GRIP1: variants seen among roughly 807,000 people sequenced by gnomAD.
The protein encoded by GRIP1 is glutamate receptor-interacting protein 1.
A neutral mutation model predicts 129.9 loss-of-function variants in GRIP1; 45 were observed. That is an observed-to-expected ratio of 0.35 (90% confidence interval 0.27 to 0.44). The LOEUF is 0.44. Ranked by LOEUF, GRIP1 falls within the 20% of genes least tolerant of loss-of-function variation. GRIP1 has a pLI of 1.00. For synonymous variants in GRIP1, 530 were observed against 520.8 expected (o/e 1.02, Z -0.24); for missense variants, 1,196 against 1,396.8 (o/e 0.86, Z 2.29).
In GRIP1 at chr12:66,517,962, C is replaced by T; in HGVS notation, c.517G>A (p.Asp173Asn). The T allele has an allele frequency of 6.3e-7, 1 of 1,588,808 alleles. No individual in the cohort carries two copies. The highest frequency in any genetic ancestry group is 8.6e-7 in the Non-Finnish European group (1 of 1,157,186). The change falls in exon 6 of 25, where the codon GAT (aspartate) becomes AAT (asparagine). Residue 173 changes from aspartate (D) to asparagine (N), a missense_variant. By Grantham distance (23) the Asp-to-Asn change is conservative. Around this residue, in one of 5 missense-constraint regions of GRIP1, gnomAD observed 217 missense variants for 224.8 expected, o/e 0.97. Coordinates refer to ENST00000359742, the MANE Select transcript of GRIP1 (RefSeq NM_001366722.1). ...ACAACTGGACGAGATTTATTTCTAT[C>T]ATCATGTGCTCCCCCTAGCAAAGAA... Reference protein sequence around the residue: ...GFVIRGGAHDDRNKSRPVVIT... With the variant: ...GFVIRGGAHDNRNKSRPVVIT...
At chr12:66,839,549 C>T (rs1035297007) in intron 1 of GRIP1, among the ~76,000 whole-genome samples, 1 of 152,084 alleles carries the variant, frequency 6.6e-6, no homozygotes, top group African/African-American at 2.4e-5. Flanking sequence ...TATTAAGAAA[C>T]ACCTGAAAAA....
chr12:66,717,564 T>C (rs2035930777), intron 1 of GRIP1, among the ~76,000 whole-genome samples: 2 of 152,188 alleles, frequency 1.3e-5, no homozygotes, highest in African/African-American at 4.8e-5. Flanking sequence ...TCTGTCATTA[T>C]GTAAATCCAA....
intron 1 of GRIP1, among the ~76,000 whole-genome samples, chr12:66,632,580 T>C (rs759529359): frequency 3.3e-5 from 5 of 152,230 alleles, no homozygotes; most frequent in Non-Finnish European, 7.3e-5. Context: ...ACACTTTCCT[T>C]ATCGATTTGT....
chr12:66,992,238 TC>T (rs1255372189), intron 1 of GRIP1, among the ~76,000 whole-genome samples: 1 of 152,190 alleles, frequency 6.6e-6, no homozygotes, highest in Non-Finnish European at 1.5e-5. Context: ...GCAGCACAAT[TC>T]TTAGAGAAGC....
chr12:66,404,528 C>T (rs2057120360), intron 16 of GRIP1, among the ~76,000 whole-genome samples: 1 of 152,088 alleles, frequency 6.6e-6, no homozygotes, highest in African/African-American at 2.4e-5. Context: ...TTATGTTGCC[C>T]CTCTGGGCTT....
At position 66,989,378 on chromosome 12, in the gene GRIP1, G is replaced by A. The variant is rs774906449; in HGVS notation, c.58+79672C>T. ...GAGGTTTCTTGCCTTGTTGAAAAGCGTCAAATTTGGGAGTTATCACAGTGA... is the reference window on the plus strand; with the variant it reads ...GAGGTTTCTTGCCTTGTTGAAAAGCATCAAATTTGGGAGTTATCACAGTGA... On this transcript the variant is annotated intron_variant, in intron 1 of 1. Transcript: ENST00000643019. 1.4e-4 allele frequency among the ~76,000 whole-genome samples: 21 copies of A among 152,188 alleles called. 1 individual carries two copies. Among genetic ancestry groups the A allele is most frequent in the South Asian group, 4.1e-4 (2 of 4,826 alleles).
intron 1 of GRIP1, among the ~76,000 whole-genome samples, chr12:66,792,123 A>C (rs1336515889): frequency 6.6e-6 from 1 of 152,194 alleles, no homozygotes; most frequent in Non-Finnish European, 1.5e-5. Flanking sequence ...GAGCTACCAA[A>C]TACGCTTAAC....
At chr12:66,623,008 A>G (rs2065342960) in intron 1 of GRIP1, among the ~76,000 whole-genome samples, 1 of 152,152 alleles carries the variant, frequency 6.6e-6, no homozygotes, top group African/African-American at 2.4e-5. Flanking sequence ...GAGGACATTG[A>G]GCATGATTTT....
intron 7 of GRIP1, among the ~76,000 whole-genome samples, chr12:66,490,242 C>T (rs2060068815): frequency 6.6e-6 from 1 of 152,126 alleles, no homozygotes; most frequent in Admixed American, 6.5e-5. Flanking sequence ...TACAAGGTTA[C>T]AGTAACCAAA....
intron 15 of GRIP1, among the ~76,000 whole-genome samples, chr12:66,410,556 T>G (rs2057364515): frequency 6.6e-6 from 1 of 150,784 alleles, no homozygotes; most frequent in Non-Finnish European, 1.5e-5. Context: ...GGCAGGAGAA[T>G]CGCTTGAACC....
At chr12:66,693,103 T>G (rs1343821855) in intron 1 of GRIP1, among the ~76,000 whole-genome samples, 1 of 152,120 alleles carries the variant, frequency 6.6e-6, no homozygotes, top group Non-Finnish European at 1.5e-5. Context: ...TAGTAACCAA[T>G]AATTAGTAGT....
At chr12:66,420,415 G>GTT (rs71096102) in intron 15 of GRIP1, among the ~76,000 whole-genome samples, 49,930 of 127,608 alleles carry the variant, frequency 0.39, 9,886 homozygotes, top group African/African-American at 0.45. Context: ...TACTTTCAGG[G>GTT]TTTTTTTTTT....
chr12:66,910,428 C>T (rs910672655), intron 1 of GRIP1, among the ~76,000 whole-genome samples: 3 of 152,154 alleles, frequency 2.0e-5, no homozygotes, highest in African/African-American at 7.2e-5. Flanking sequence ...AATCAGGGAC[C>T]GAAGCCAGGA....
At chr12:66,548,115 C>T (rs2062004800) in intron 2 of GRIP1, among the ~76,000 whole-genome samples, 1 of 152,156 alleles carries the variant, frequency 6.6e-6, no homozygotes, top group African/African-American at 2.4e-5. Flanking sequence ...TGAGGAACTA[C>T]TTGTGGTTAC....
At chr12:67,024,111 A>T (rs1303580078) in intron 1 of GRIP1, among the ~76,000 whole-genome samples, 1 of 148,952 alleles carries the variant, frequency 6.7e-6, no homozygotes, top group Admixed American at 6.9e-5. Context: ...GGGATCTTTG[A>T]ATCCTTTTTT....
chr12:66,754,096 C>A (rs1417909739), intron 1 of GRIP1, among the ~76,000 whole-genome samples: 1 of 152,142 alleles, frequency 6.6e-6, no homozygotes, highest in East Asian at 1.9e-4. Flanking sequence ...CTCTTAGTTG[C>A]CCCTTAGGGG....
At chr12:66,569,776 C>T (rs1446084430) in intron 2 of GRIP1, among the ~76,000 whole-genome samples, 1 of 152,184 alleles carries the variant, frequency 6.6e-6, no homozygotes, top group Admixed American at 6.5e-5. Context: ...ACCCCTTTTC[C>T]TTCTCCACTT....
At chr12:67,000,650 G>A (rs538831747) in intron 1 of GRIP1, among the ~76,000 whole-genome samples, 1 of 152,264 alleles carries the variant, frequency 6.6e-6, no homozygotes, top group Non-Finnish European at 1.5e-5. Flanking sequence ...AGTTCATTAG[G>A]ATACTTCAAC....
At chr12:66,723,368 A>G (rs2036155314) in intron 1 of GRIP1, among the ~76,000 whole-genome samples, 2 of 138,642 alleles carry the variant, frequency 1.4e-5, no homozygotes, top group African/African-American at 5.5e-5. Flanking sequence ...GCTGGAGTGC[A>G]GTGGTGCGAT....
Sources: gnomAD v4.1 joint callset for allele counts (sites outside exome capture counted in the v4.1 genomes callset) on GRCh38, gnomAD v4.1.1 for gene constraint, gnomAD v4.1.1 regional missense constraint, MANE v1.5 for transcripts, NCBI Gene and HGNC (gene_info 2026-07-23, HGNC 2026-07-21) for gene names.